The following DNAH14 variants were observed in gnomAD, a reference collection of about 807,000 sequenced individuals.
DNAH14 encodes the protein dynein axonemal heavy chain 14.
In DNAH14, 478 loss-of-function variants were observed where a neutral mutation model predicts 520.9. The observed-to-expected ratio is 0.92, with a 90% CI of 0.85 to 0.99. DNAH14 has a LOEUF of 0.99. DNAH14 is among the 50% of genes least tolerant of loss of function. The probability of loss-of-function intolerance (pLI) is 0.00; values close to 1 mark genes in which losing one functional copy is unlikely to be tolerated. For missense variants in DNAH14, 4,831 were observed against 5,234.5 expected (o/e 0.92, Z 2.38); for synonymous variants, 1,581 against 1,757.2 (o/e 0.90, Z 2.51).
At chr1:225,238,910 G>A (rs370420609) in intron 42 of DNAH14, among the ~76,000 whole-genome samples, 1 of 152,190 alleles carries the variant, frequency 6.6e-6, no homozygotes, top group Non-Finnish European at 1.5e-5. Flanking sequence ...ATCTGGCAAA[G>A]CAGCTGTACT....
chr1:224,999,298 C>T (rs2063595317), intron 8 of DNAH14, among the ~76,000 whole-genome samples: 1 of 152,060 alleles, frequency 6.6e-6, no homozygotes, highest in Admixed American at 6.6e-5. Flanking sequence ...CTTCCGCCTC[C>T]CGGGTTCAAG....
intron 37 of DNAH14, among the ~76,000 whole-genome samples, 186 bp from the exon 38 acceptor site, chr1:225,192,510 A>G (rs1314223714): frequency 6.6e-6 from 1 of 152,088 alleles, no homozygotes; most frequent in African/African-American, 2.4e-5. Context: ...TAAAAGAATG[A>G]TTTGTATATT....
chr1:225,224,789 G>A (rs1221422995), intron 41 of DNAH14, among the ~76,000 whole-genome samples: 1 of 152,190 alleles, frequency 6.6e-6, no homozygotes, highest in Non-Finnish European at 1.5e-5. Flanking sequence ...AGAGAGCCGA[G>A]GTTGGAGCCT....
At chr1:225,037,809 A>C (rs1367999284) in intron 11 of DNAH14, among the ~76,000 whole-genome samples, 1 of 152,084 alleles carries the variant, frequency 6.6e-6, no homozygotes, top group East Asian at 1.9e-4. Context: ...CAGCCTCCCG[A>C]GTAGCTGAGA....
chr1:224,941,103 C>T (rs1229154747), intron 1 of DNAH14, among the ~76,000 whole-genome samples: 1 of 152,206 alleles, frequency 6.6e-6, no homozygotes, highest in African/African-American at 2.4e-5. Context: ...CACTCACTTC[C>T]ACAATGGTTG....
At chr1:225,084,737 G>A (rs2073536471) in intron 20 of DNAH14, among the ~76,000 whole-genome samples, 2 of 47,062 alleles carry the variant, frequency 4.2e-5, no homozygotes, top group Non-Finnish European at 8.2e-5. Context: ...AAGTCAGTTG[G>A]AAGATCTGAC....
intron 36 of DNAH14, among the ~76,000 whole-genome samples, chr1:225,179,274 GT>G (rs2083694830): frequency 6.6e-6 from 1 of 152,082 alleles, no homozygotes; most frequent in Admixed American, 6.5e-5. Context: ...TTTTCTGGTT[GT>G]TTTTGTAACT....
chr1:225,077,673 A>G (rs1263268006), intron 17 of DNAH14, among the ~76,000 whole-genome samples: 1 of 152,224 alleles, frequency 6.6e-6, no homozygotes, highest in East Asian at 1.9e-4. Context: ...TTATCAGAAT[A>G]AAGCTATTTG....
chr1:225,145,759 A>G (rs1272470600), intron 30 of DNAH14, among the ~76,000 whole-genome samples: 5 of 152,212 alleles, frequency 3.3e-5, no homozygotes, highest in Non-Finnish European at 5.9e-5. Context: ...TGAAAAGGTA[A>G]TCATTAAGAC....
chr1:225,250,585 A>G (rs2149700535), intron 43 of DNAH14: 2 of 441,042 alleles, frequency 4.5e-6, no homozygotes, highest in South Asian at 6.6e-5. Context: ...AGGGAACTGG[A>G]AACGGTTTTA....
chr1:224,962,138 C>T (rs1389999392), intron 4 of DNAH14, among the ~76,000 whole-genome samples: 2 of 152,056 alleles, frequency 1.3e-5, no homozygotes, highest in Non-Finnish European at 2.9e-5. Context: ...AAGTTGTAGA[C>T]AGAATTCTAA....
chr1:225,185,170 A>G, intron 36 of DNAH14, 121 bp from the exon 37 acceptor site: 6 of 1,118,012 alleles, frequency 5.4e-6, no homozygotes, highest in Non-Finnish European at 7.3e-6. Flanking sequence ...AGAGCCAAAT[A>G]AAGAACACAA....
chr1:225,199,091 A>G (rs2086500218), intron 38 of DNAH14, among the ~76,000 whole-genome samples: 1 of 152,124 alleles, frequency 6.6e-6, no homozygotes, highest in South Asian at 2.1e-4. Flanking sequence ...CTTTCTAGGA[A>G]TTTATCCATC....
rs1157425508 is a variant in DNAH14 at position 225,050,350 on chromosome 1, G to A, written c.2053G>A (p.Glu685Lys). ...TRWPDCHILFETDPAYQNIIV... is the reference protein window; with the variant it reads ...TRWPDCHILFKTDPAYQNIIV... Reference sequence around the variant, plus strand: ...ATGGCCAGATTGTCACATCCTTTTTGAAACAGATCCTGCCTACCAAAATAT... The same window carrying A: ...ATGGCCAGATTGTCACATCCTTTTTAAAACAGATCCTGCCTACCAAAATAT... The change falls in exon 16 of 86, where the codon GAA becomes AAA. Residue 685 changes from glutamate to lysine, a missense_variant. Coordinates refer to ENST00000682510, the MANE Select transcript of DNAH14 (RefSeq NM_001367479.1). 6.5e-7 allele frequency: 1 copy of A among 1,545,324 alleles called. No individual in the cohort carries two copies.
intron 34 of DNAH14, 71 bp from the exon 35 acceptor site, chr1:225,159,243 A>G: frequency 1.6e-6 from 2 of 1,262,172 alleles, no homozygotes; most frequent in East Asian, 2.6e-5. Flanking sequence ...ACAGAATGTT[A>G]ATGGTCTTCA....
intron 8 of DNAH14, among the ~76,000 whole-genome samples, chr1:224,982,737 A>G (rs1381866191): frequency 3.3e-5 from 5 of 152,078 alleles, no homozygotes; most frequent in East Asian, 1.9e-4. Flanking sequence ...TTTAATTTCC[A>G]TGTATTTGCA....
chr1:225,379,555 T>C (rs10799301), intron 79 of DNAH14, among the ~76,000 whole-genome samples: 83,534 of 151,738 alleles, frequency 0.55, 25,724 homozygotes, highest in East Asian at 0.77. Context: ...TGAGATAGAG[T>C]CTCGCTCTGT....
At chr1:225,233,553 G>T (rs562761058) in intron 42 of DNAH14, among the ~76,000 whole-genome samples, 2 of 152,184 alleles carry the variant, frequency 1.3e-5, no homozygotes, top group Non-Finnish European at 2.9e-5. Context: ...TGTCTCTAAT[G>T]ATCAGTGATG....
intron 60 of DNAH14, among the ~76,000 whole-genome samples, chr1:225,308,713 C>T (rs2094298480): frequency 6.6e-6 from 1 of 152,238 alleles, no homozygotes; most frequent in South Asian, 2.1e-4. Flanking sequence ...GTTTGGCCTT[C>T]AAGAGTAACA....
Sources: allele counts gnomAD v4.1 joint callset (sites outside exome capture counted in the v4.1 genomes callset), GRCh38; gene constraint gnomAD v4.1.1; transcripts MANE v1.5; gene names NCBI Gene and HGNC (gene_info 2026-07-23, HGNC 2026-07-21).